The following HS6ST3 variants were observed in gnomAD, a reference collection of about 807,000 sequenced individuals.
HS6ST3 encodes the protein heparan sulfate 6-O-sulfotransferase 3, also known as heparan-sulfate 6-O-sulfotransferase 3.
In HS6ST3, 12 loss-of-function variants were observed where a neutral mutation model predicts 36.7. The observed-to-expected ratio is 0.33, with a 90% CI of 0.21 to 0.53. The LOEUF is 0.53. Among genes scored for constraint, HS6ST3 ranks in the 20% least tolerant of loss-of-function variants. HS6ST3 has a pLI of 0.95. For synonymous variants in HS6ST3, 240 were observed against 257.5 expected, an observed-to-expected ratio of 0.93 and a Z score of 0.65; for missense variants, 584 against 640.9, an observed-to-expected ratio of 0.91 and a Z score of 0.96.
chr13:96,791,654 A>G (rs1411558395), intron 1 of HS6ST3, among the ~76,000 whole-genome samples: 1 of 152,100 alleles, frequency 6.6e-6, no homozygotes, highest in Non-Finnish European at 1.5e-5. Context: ...TTATAGAACA[A>G]GAAAGGATAC....
At chr13:96,217,904 A>G (rs1444728483) in intron 1 of HS6ST3, among the ~76,000 whole-genome samples, 1 of 152,186 alleles carries the variant, frequency 6.6e-6, no homozygotes, top group African/African-American at 2.4e-5. Flanking sequence ...AGATAGATAG[A>G]TAAATTTCTT....
chr13:96,192,090 A>C (rs1272183865), intron 1 of HS6ST3, among the ~76,000 whole-genome samples: 1 of 152,168 alleles, frequency 6.6e-6, no homozygotes, highest in Admixed American at 6.5e-5. Context: ...CCTGGGTTCA[A>C]ATCTGACCCT....
At chr13:96,153,737 T>C (rs2054097998) in intron 1 of HS6ST3, among the ~76,000 whole-genome samples, 1 of 152,252 alleles carries the variant, frequency 6.6e-6, no homozygotes. Flanking sequence ...GTAAATTACA[T>C]AGGCTAAACT....
chr13:96,743,836 CTT>C (rs1381042092), intron 1 of HS6ST3, among the ~76,000 whole-genome samples: 2 of 151,988 alleles, frequency 1.3e-5, no homozygotes, highest in South Asian at 2.1e-4. Flanking sequence ...CCTTACAACT[CTT>C]TTTTCCTGGC....
At chr13:96,174,128 C>T (rs937413951) in intron 1 of HS6ST3, among the ~76,000 whole-genome samples, 36 of 152,152 alleles carry the variant, frequency 2.4e-4, no homozygotes, top group African/African-American at 8.7e-4. Context: ...TATTCATTCT[C>T]ATATTTTATT....
chr13:96,609,917 G>A (rs2056451506), intron 1 of HS6ST3, among the ~76,000 whole-genome samples: 1 of 152,156 alleles, frequency 6.6e-6, no homozygotes, highest in South Asian at 2.1e-4. Flanking sequence ...TATATGATAG[G>A]AACTAACTTC....
At chr13:96,519,071 A>G (rs2056083495) in intron 1 of HS6ST3, among the ~76,000 whole-genome samples, 1 of 152,228 alleles carries the variant, frequency 6.6e-6, no homozygotes, top group African/African-American at 2.4e-5. Context: ...TAAGTTGTCT[A>G]AAATGATAAA....
At chr13:96,250,697 A>C (rs1329997963) in intron 1 of HS6ST3, among the ~76,000 whole-genome samples, 5 of 152,192 alleles carry the variant, frequency 3.3e-5, no homozygotes, top group Non-Finnish European at 7.3e-5. Context: ...GCCTAGGAAT[A>C]CAATACATCC....
At chr13:96,629,435 G>A (rs2056524258) in intron 1 of HS6ST3, among the ~76,000 whole-genome samples, 1 of 152,120 alleles carries the variant, frequency 6.6e-6, no homozygotes, top group South Asian at 2.1e-4. Flanking sequence ...GAGTCTGTAT[G>A]TAATGAACAC....
intron 1 of HS6ST3, among the ~76,000 whole-genome samples, chr13:96,362,068 G>A (rs928949510): frequency 6.6e-6 from 1 of 152,262 alleles, no homozygotes; most frequent in Non-Finnish European, 1.5e-5. Flanking sequence ...CTAGGTAATA[G>A]GTGAGCGGAA....
intron 1 of HS6ST3, among the ~76,000 whole-genome samples, chr13:96,799,962 A>ATATATATATATG (rs1566456775): frequency 8.7e-5 from 6 of 69,292 alleles, no homozygotes; most frequent in Admixed American, 1.4e-4. Context: ...ATATATATAT[A>ATATATATATATG]TGTGTATATA....
At chr13:96,623,762 C>G (rs370102187) in intron 1 of HS6ST3, among the ~76,000 whole-genome samples, 128 of 152,206 alleles carry the variant, frequency 8.4e-4, no homozygotes, top group African/African-American at 2.9e-3. Flanking sequence ...ATACAGGGTG[C>G]CCGGGTGAGA....
chr13:96,110,440 G>GTTT (rs370326936), intron 1 of HS6ST3, among the ~76,000 whole-genome samples: 1 of 138,296 alleles, frequency 7.2e-6, no homozygotes, highest in African/African-American at 2.6e-5. Context: ...TTGTGTGTGT[G>GTTT]TGTTTTTTTT....
At chr13:96,528,459 A>G (rs982484260) in intron 1 of HS6ST3, among the ~76,000 whole-genome samples, 2 of 152,158 alleles carry the variant, frequency 1.3e-5, no homozygotes, top group African/African-American at 2.4e-5. Flanking sequence ...ACAGGGGCCC[A>G]ATACTGATGA....
At chr13:96,161,694 A>C (rs560789484) in intron 1 of HS6ST3, among the ~76,000 whole-genome samples, 4 of 152,238 alleles carry the variant, frequency 2.6e-5, no homozygotes, top group Non-Finnish European at 5.9e-5. Context: ...ACTCAGAGAA[A>C]TATTTAAAAG....
chr13:96,523,983 A>C (rs1169464633), intron 1 of HS6ST3, among the ~76,000 whole-genome samples: 2 of 152,012 alleles, frequency 1.3e-5, no homozygotes, highest in African/African-American at 4.8e-5. Context: ...GGTTTCCCCT[A>C]ATCTTTGTGG....
intron 1 of HS6ST3, among the ~76,000 whole-genome samples, chr13:96,266,940 C>T (rs1399580467): frequency 3.3e-5 from 5 of 152,128 alleles, no homozygotes; most frequent in African/African-American, 9.7e-5. Context: ...TATGGTTTGG[C>T]TGTGTGTTTC....
At chr13:96,724,104 T>C (rs916483206) in intron 1 of HS6ST3, among the ~76,000 whole-genome samples, 11 of 152,232 alleles carry the variant, frequency 7.2e-5, no homozygotes, top group Admixed American at 3.9e-4. Flanking sequence ...AGCTCATGTA[T>C]CTTTCACAAC....
chr13:96,835,692 T>C lies in HS6ST3; in HGVS notation c.*2494T>C, dbSNP rs565385687. 1 of 152,228 alleles carries C rather than the reference T, an allele frequency of 6.6e-6. No homozygotes were observed. Among genetic ancestry groups the C allele is most frequent in the South Asian group, 2.1e-4 (1 of 4,822 alleles). 9.4% of individuals were successfully genotyped at this position (152,228 alleles called of 1,614,324 possible). A position where few individuals can be genotyped will look rare whatever the true frequency, so the allele number is the denominator to read the frequency against. On this transcript the variant is annotated 3_prime_UTR_variant, in exon 2 of 2. Coordinates refer to ENST00000376705, the MANE Select transcript of HS6ST3 (RefSeq NM_153456.4). ...AAAACAAGTTAGAAAGCATTCAGAT[T>C]GTTTCTTTTAAACTCACTTTAAAAT...
Sources: gnomAD v4.1 joint callset for allele counts (sites outside exome capture counted in the v4.1 genomes callset) on GRCh38, gnomAD v4.1.1 for gene constraint, MANE v1.5 for transcripts, NCBI Gene and HGNC (gene_info 2026-07-23, HGNC 2026-07-21) for gene names.